Variants in PIEZO2 observed in about 807,000 individuals in gnomAD.
PIEZO2 encodes the protein piezo type mechanosensitive ion channel component 2, also known as piezo-type mechanosensitive ion channel component 2.
Under a neutral mutation model 337.3 loss-of-function variants are expected in PIEZO2, and 172 were observed. The observed-to-expected ratio is 0.51, with a 90% CI of 0.45 to 0.58. The LOEUF (loss-of-function observed/expected upper bound fraction) is 0.58. Ranked by LOEUF, PIEZO2 falls within the 20% of genes least tolerant of loss-of-function variation. The pLI is 0.00. For synonymous variants in PIEZO2, 1,251 were observed against 1,228.5 expected, an observed-to-expected ratio of 1.02 and a Z score of -0.38; for missense variants, 3,028 against 3,391.3, an observed-to-expected ratio of 0.89 and a Z score of 2.66.
At chr18:11,106,055 TA>T (rs1481544726) in intron 1 of PIEZO2, among the ~76,000 whole-genome samples, 2 of 152,148 alleles carry the variant, frequency 1.3e-5, no homozygotes, top group Non-Finnish European at 2.9e-5. Flanking sequence ...AATGCTACAC[TA>T]TGCTGAAACC....
chr18:11,037,335 G>A (rs1488090145), intron 2 of PIEZO2, among the ~76,000 whole-genome samples: 1 of 152,168 alleles, frequency 6.6e-6, no homozygotes, highest in East Asian at 1.9e-4. Context: ...TGTATGCCAC[G>A]TAAGAGGAGA....
At chr18:11,062,906 C>A (rs1171561175) in intron 2 of PIEZO2, among the ~76,000 whole-genome samples, 2 of 152,186 alleles carry the variant, frequency 1.3e-5, no homozygotes, top group Non-Finnish European at 2.9e-5. Flanking sequence ...AATCGCATTA[C>A]TGGGTATATA....
At position 11,028,618 on chromosome 18, in the gene PIEZO2, C is replaced by A. The variant is rs1383114008; in HGVS notation, c.160+37509G>T. 6.6e-6 allele frequency among the ~76,000 whole-genome samples: 1 copy of A among 152,134 alleles called. No homozygotes were observed. The highest frequency in any genetic ancestry group is 1.9e-4 in the East Asian group (1 of 5,182). On this transcript the variant is annotated intron_variant, in intron 2 of 55. Transcript: ENST00000674853. The surrounding 1 kb of genome is among the most constrained non-coding windows in gnomAD (Gnocchi z 4.8). ...TGTCCTTCAGCTTTATCTGAACACC[C>A]CCATAACAATGTGTGACTAAGTGGA...
intron 3 of PIEZO2, among the ~76,000 whole-genome samples, chr18:10,912,071 C>G (rs1420544697): frequency 6.6e-6 from 1 of 151,618 alleles, no homozygotes; most frequent in Non-Finnish European, 1.5e-5. Context: ...TTTTTTTAAG[C>G]TAAACATGTT....
intron 1 of PIEZO2, among the ~76,000 whole-genome samples, chr18:11,145,704 A>G (rs2040792256): frequency 6.6e-6 from 1 of 152,222 alleles, no homozygotes; most frequent in South Asian, 2.1e-4. Context: ...CTTCTTGCAG[A>G]AAAGAATCAA....
At chr18:10,776,912 G>C (rs1030890095) in intron 18 of PIEZO2, among the ~76,000 whole-genome samples, 1 of 152,138 alleles carries the variant, frequency 6.6e-6, no homozygotes, top group Non-Finnish European at 1.5e-5. Context: ...TCAGGCTAAA[G>C]AACTTATAAG....
rs552258677 is a variant in PIEZO2, at chr18:11,143,527, C to T, written c.64+4998G>A. Among the ~76,000 whole-genome samples, 5 of 151,580 alleles carry T rather than the reference C, an allele frequency of 3.3e-5. No homozygotes were observed. The highest frequency in any genetic ancestry group is 7.4e-5 in the Non-Finnish European group (5 of 67,914). On this transcript the variant is annotated intron_variant, in intron 1 of 55. Coordinates refer to ENST00000674853, the MANE Select transcript of PIEZO2 (RefSeq NM_001378183.1). This position sits in a 1 kb window ranked among gnomAD's most constrained non-coding sequence, Gnocchi z 4.9. ...AATATTGTTTTTAAGTCCTATTAAT[C>T]AGAAAAATGCAACTGCAGATTTGGA...
At chr18:10,786,912 A>T (rs1034185951) in intron 16 of PIEZO2, 124 bp downstream of exon 16, 1 of 976,110 alleles carries the variant, frequency 1.0e-6, no homozygotes, top group Non-Finnish European at 1.5e-6. Context: ...TTTAATTTCT[A>T]TTATTGAGGA....
chr18:11,116,435 CG>C lies in PIEZO2; in HGVS notation c.64+32089del. Reference sequence around the variant, plus strand: ...GTGTGAAAGAATGAAATTTGCAGGCCGGGCGCGGTGGCTCACGCCTGTAAAC... The same window carrying C: ...GTGTGAAAGAATGAAATTTGCAGGCCGGCGCGGTGGCTCACGCCTGTAAAC... On this transcript the variant is annotated intron_variant, in intron 1 of 55. Coordinates refer to ENST00000674853, the MANE Select transcript of PIEZO2 (RefSeq NM_001378183.1). This position sits in a 1 kb window ranked among gnomAD's most constrained non-coding sequence, Gnocchi z 5.0. Among the ~76,000 whole-genome samples, 1 of 152,214 alleles carries C rather than the reference CG, an allele frequency of 6.6e-6. No individual in the cohort carries two copies. The highest frequency in any genetic ancestry group is 1.5e-5 in the Non-Finnish European group (1 of 68,018).
intron 21 of PIEZO2, among the ~76,000 whole-genome samples, chr18:10,764,798 T>C (rs1006058889): frequency 8.5e-5 from 13 of 152,168 alleles, no homozygotes; most frequent in African/African-American, 2.9e-4. Flanking sequence ...AGAAATACTG[T>C]ACATGGAAAG....
intron 5 of PIEZO2, among the ~76,000 whole-genome samples, chr18:10,860,894 T>C (rs755028881): frequency 5.9e-5 from 9 of 152,228 alleles, no homozygotes; most frequent in Non-Finnish European, 8.8e-5. Flanking sequence ...CACTGTACTT[T>C]AGGGTTTTCA....
chr18:11,140,672 T>G (rs2146280174), intron 1 of PIEZO2, among the ~76,000 whole-genome samples: 1 of 152,306 alleles, frequency 6.6e-6, no homozygotes, highest in Admixed American at 6.5e-5. Flanking sequence ...CTAAGGTACC[T>G]TCAACCACAG....
intron 3 of PIEZO2, among the ~76,000 whole-genome samples, chr18:10,966,743 A>C (rs1262889888): frequency 1.3e-5 from 2 of 152,018 alleles, no homozygotes; most frequent in East Asian, 1.9e-4. Context: ...CACTGTACCC[A>C]ATGTGTTGTC....
chr18:11,039,339 T>C (rs1365702884), intron 2 of PIEZO2, among the ~76,000 whole-genome samples: 1 of 152,188 alleles, frequency 6.6e-6, no homozygotes, highest in Non-Finnish European at 1.5e-5. Context: ...TGGAACATTC[T>C]ATAGGCAGAA....
chr18:11,006,727 T>A (rs1400124946), intron 2 of PIEZO2, among the ~76,000 whole-genome samples: 1 of 152,122 alleles, frequency 6.6e-6, no homozygotes, highest in African/African-American at 2.4e-5. Flanking sequence ...CTCTTCCTCT[T>A]CCTTCCTTCT....
chr18:11,048,931 A>G lies in PIEZO2; in HGVS notation c.160+17196T>C, dbSNP rs1351666154. On this transcript the variant is annotated intron_variant, in intron 2 of 55. Coordinates refer to ENST00000674853, the MANE Select transcript of PIEZO2 (RefSeq NM_001378183.1). This position sits in a 1 kb window ranked among gnomAD's most constrained non-coding sequence, Gnocchi z 4.5. ...TTTCCTGTGAATCAACTCAAATTCA[A>G]ATGGGTCTGTTTAGGCAAAATAGCT... Among the ~76,000 whole-genome samples, 1 of 152,196 alleles carries G rather than the reference A, an allele frequency of 6.6e-6. No homozygotes were observed. Among genetic ancestry groups the G allele is most frequent in the Non-Finnish European group, 1.5e-5 (1 of 68,030 alleles).
intron 1 of PIEZO2, among the ~76,000 whole-genome samples, chr18:11,144,465 T>C (rs529093452): frequency 2.0e-5 from 3 of 152,256 alleles, no homozygotes; most frequent in South Asian, 2.1e-4. Flanking sequence ...GCTGATCACA[T>C]AGACATTAGC....
rs1361649255 is a variant in PIEZO2 at position 10,947,630 on chromosome 18, T to C, written c.286+31905A>G. Among the ~76,000 whole-genome samples, 3 of 151,982 alleles carry C rather than the reference T, an allele frequency of 2.0e-5. No homozygotes were observed. The East Asian group carries it at 5.8e-4, about 29-fold the overall frequency. ...AAGTCCTTCAGATGGAAGGAAATGATGCCGAATGAAACTGTGGGGGTACAA... is the reference window on the plus strand; with the variant it reads ...AAGTCCTTCAGATGGAAGGAAATGACGCCGAATGAAACTGTGGGGGTACAA... On this transcript the variant is annotated intron_variant, in intron 3 of 55. Coordinates refer to ENST00000674853, the MANE Select transcript of PIEZO2 (RefSeq NM_001378183.1).
chr18:10,732,198 A>G (rs572181618), intron 35 of PIEZO2, among the ~76,000 whole-genome samples: 31 of 152,206 alleles, frequency 2.0e-4, no homozygotes, highest in Non-Finnish European at 3.7e-4. Context: ...AATTGTGAAG[A>G]GCCCCCATAC....
Sources: allele counts gnomAD v4.1 joint callset (sites outside exome capture counted in the v4.1 genomes callset), GRCh38; gene constraint gnomAD v4.1.1; non-coding constraint Gnocchi (gnomAD v3.1); transcripts MANE v1.5; gene names NCBI Gene and HGNC (gene_info 2026-07-23, HGNC 2026-07-21).